CBR4: variants seen among roughly 807,000 people sequenced by gnomAD.
CBR4 encodes 3-oxoacyl-[acyl-carrier-protein] reductase.
CBR4 carries 22 observed loss-of-function variants against 21.0 expected under a neutral mutation model. That is an observed-to-expected ratio of 1.05 (90% CI 0.75 to 1.50). The LOEUF (loss-of-function observed/expected upper bound fraction) is 1.50. CBR4 is among the 40% of genes most tolerant of loss of function. The pLI is 0.00. For synonymous variants in CBR4, 100 were observed against 104.4 expected (o/e 0.96, Z 0.26); for missense variants, 302 against 286.3 (o/e 1.05, Z -0.40).
intron 2 of CBR4, among the ~76,000 whole-genome samples, chr4:168,938,182 T>C (rs1763165639): frequency 6.6e-6 from 1 of 152,302 alleles, no homozygotes; most frequent in African/African-American, 2.4e-5. Context: ...CGTAATTACA[T>C]AGAAACTGAA....
At position 168,894,637 on chromosome 4, in the gene CBR4, T is replaced by C; in HGVS notation, n.298A>G. 1 of 1,613,826 alleles carries C rather than the reference T, an allele frequency of 6.2e-7. No individual in the cohort carries two copies. Among genetic ancestry groups the C allele is most frequent in the Non-Finnish European group, 8.5e-7 (1 of 1,179,802 alleles). ...CTGCTAGGTGCTGACAGTGCAACTG[T>C]CTTTAATATTCAGGAGCCAGAAGAG... On this transcript the variant is annotated non_coding_transcript_exon_variant, in exon 3 of 4. Transcript: ENST00000509108.
intron 2 of CBR4, among the ~76,000 whole-genome samples, chr4:168,939,472 A>G (rs543819404): frequency 2.0e-5 from 3 of 152,294 alleles, no homozygotes; most frequent in South Asian, 4.1e-4. Context: ...AGAAAGAAAT[A>G]AAGGGTATTC....
intron 2 of CBR4, among the ~76,000 whole-genome samples, chr4:168,978,647 G>A (rs1349368681): frequency 2.6e-5 from 4 of 152,210 alleles, no homozygotes; most frequent in Admixed American, 2.6e-4. Context: ...GGCTGACACA[G>A]AAAGCGTGTG....
At chr4:168,995,473 A>G (rs1476171522) in intron 4 of CBR4, among the ~76,000 whole-genome samples, 1 of 152,118 alleles carries the variant, frequency 6.6e-6, no homozygotes, top group Non-Finnish European at 1.5e-5. Context: ...GCAGTGAGAC[A>G]CTTTCAGGGA....
rs1380474191 is a variant in CBR4 at position 168,903,833 on chromosome 4, C to A, written n.170-9068G>T. The A allele has an allele frequency of 8.7e-6, 14 of 1,612,324 alleles. No individual in the cohort carries two copies. The highest frequency in any genetic ancestry group is 1.2e-5 in the Non-Finnish European group (14 of 1,178,404). On this transcript the variant is annotated intron_variant and non_coding_transcript_variant, in intron 2 of 3. Transcript: ENST00000509108. ...ACCATTCAAAGAGATCTCGATGGGACCTGCTCCCTCCATACCACAGCCTCC... is the reference window on the plus strand; with the variant it reads ...ACCATTCAAAGAGATCTCGATGGGAACTGCTCCCTCCATACCACAGCCTCC...
intron 2 of CBR4, among the ~76,000 whole-genome samples, chr4:168,966,542 G>GA (rs1314264643): frequency 2.0e-4 from 30 of 150,980 alleles, no homozygotes. Context: ...AAAAAAAAAA[G>GA]AAAAAAGCCA....
rs552965592 is a variant in CBR4, at chr4:168,944,269, A to AC, written n.170-49505dup. On this transcript the variant is annotated intron_variant and non_coding_transcript_variant, in intron 2 of 3. Coordinates refer to the CBR4 transcript ENST00000509108. ...AGACCAGCTTAGGCAATGTAGTGAG[A>AC]CCCCCCATCTCTAAAAATAAAGAAA... Among the ~76,000 whole-genome samples the AC allele has an allele frequency of 3.7e-3, 558 of 151,882 alleles. 3 individuals carry two copies. Among genetic ancestry groups the AC allele is most frequent in the African/African-American group, 0.012 (513 of 41,430 alleles).
chr4:169,004,312 C>T (rs1730714755), intron 3 of CBR4, among the ~76,000 whole-genome samples: 1 of 151,950 alleles, frequency 6.6e-6, no homozygotes, highest in Admixed American at 6.6e-5. Context: ...CTTAATAGAC[C>T]ATAATATAAC....
chr4:169,006,806 C>T lies in CBR4; in HGVS notation c.349G>A (p.Ala117Thr). The change falls in exon 3 of 5, where the codon GCT becomes ACT. Residue 117 changes from alanine (A) to threonine (T), a missense_variant. By Grantham distance (58) the Ala-to-Thr change is moderately conservative (BLOSUM62 0). Coordinates refer to ENST00000306193, the MANE Select transcript of CBR4 (RefSeq NM_032783.5). ...NLLGSMLTCK[A>T]AMRTMIQQQG... ...TGTTGAATCATAGTCCTCATGGCAG[C>T]TTTACAGGTCAGCATGGAACCCAAG... 1 of 1,613,892 alleles carries T rather than the reference C, an allele frequency of 6.2e-7. No individual in the cohort carries two copies. The highest frequency in any genetic ancestry group is 8.5e-7 in the Non-Finnish European group (1 of 1,179,782).
intron 2 of CBR4, among the ~76,000 whole-genome samples, chr4:168,919,374 A>C (rs575028278): frequency 6.6e-6 from 1 of 152,228 alleles, no homozygotes; most frequent in South Asian, 2.1e-4. Flanking sequence ...AATACAAAAA[A>C]ATCAGCCAGG....
At chr4:168,908,601 C>T (rs1277470889) in intron 2 of CBR4, among the ~76,000 whole-genome samples, 2 of 151,980 alleles carry the variant, frequency 1.3e-5, no homozygotes, top group African/African-American at 4.8e-5. Context: ...CCTTAATGCC[C>T]TTTAGTTACC....
At chr4:168,967,627 T>G (rs1468891771) in intron 2 of CBR4, among the ~76,000 whole-genome samples, 1 of 151,908 alleles carries the variant, frequency 6.6e-6, no homozygotes, top group African/African-American at 2.4e-5. Context: ...CAAAAGAAAT[T>G]TCTAGGATGG....
intron 2 of CBR4, among the ~76,000 whole-genome samples, chr4:168,962,259 A>T (rs531094288): frequency 6.6e-6 from 1 of 152,230 alleles, no homozygotes; most frequent in East Asian, 1.9e-4. Context: ...TGGAAAATAC[A>T]CAACCATATA....
At chr4:168,908,132 A>G (rs1221289972) in intron 2 of CBR4, among the ~76,000 whole-genome samples, 1 of 152,198 alleles carries the variant, frequency 6.6e-6, no homozygotes, top group Non-Finnish European at 1.5e-5. Context: ...GTTTCTGAGC[A>G]TGTTGCCTAG....
At chr4:168,963,946 G>T (rs1052178183) in intron 2 of CBR4, among the ~76,000 whole-genome samples, 1 of 151,946 alleles carries the variant, frequency 6.6e-6, no homozygotes, top group African/African-American at 2.4e-5. Flanking sequence ...AAGAACAGTT[G>T]GGGAACATCC....
At chr4:169,001,642 T>C (rs1730449798) in intron 4 of CBR4, 1 of 152,596 alleles carries the variant, frequency 6.6e-6, no homozygotes, top group Non-Finnish European at 1.5e-5. Flanking sequence ...TGTTAGTTCA[T>C]GCCAGAGCTG....
chr4:168,918,439 A>C (rs1480947857), intron 2 of CBR4, among the ~76,000 whole-genome samples: 1 of 152,124 alleles, frequency 6.6e-6, no homozygotes, highest in African/African-American at 2.4e-5. Context: ...CAGGCACAGA[A>C]AGATAAATAC....
Position 168,989,965 on chromosome 4 carries a change from A to C in CBR4, c.*185T>G, listed in dbSNP as rs1764829845. Reference sequence around the variant, plus strand: ...CAACACTGATGTAACTTAGACCAAAAAAAAAAAAACCACAATTTGTCACAC... The same window carrying C: ...CAACACTGATGTAACTTAGACCAAACAAAAAAAAACCACAATTTGTCACAC... On this transcript the variant is annotated 3_prime_UTR_variant, in exon 5 of 5. Coordinates refer to ENST00000306193, the MANE Select transcript of CBR4 (RefSeq NM_032783.5). The C allele has an allele frequency of 1.6e-6, 2 of 1,250,812 alleles. No homozygotes were observed. Among genetic ancestry groups the C allele is most frequent in the African/African-American group, 1.6e-5 (1 of 64,480 alleles). The allele number at this position is 1,250,812 out of a possible 1,614,324, so 77.5% of individuals were successfully genotyped here.
At chr4:168,992,478 C>T (rs1470760935) in intron 4 of CBR4, among the ~76,000 whole-genome samples, 1 of 152,048 alleles carries the variant, frequency 6.6e-6, no homozygotes, top group Non-Finnish European at 1.5e-5. Context: ...ACTGCATCTG[C>T]ACCTGCATTC....
Sources: gnomAD v4.1 joint callset for allele counts (sites outside exome capture counted in the v4.1 genomes callset) on GRCh38, gnomAD v4.1.1 for gene constraint, MANE v1.5 for transcripts, NCBI Gene and HGNC (gene_info 2026-07-23, HGNC 2026-07-21) for gene names.